NRXN3: variants seen among roughly 807,000 people sequenced by gnomAD.
NRXN3 encodes neurexin 3, also known as neurexin III.
Under a neutral mutation model 137.6 loss-of-function variants are expected in NRXN3, and 32 were observed. The observed-to-expected ratio is 0.23, with a 90% confidence interval of 0.18 to 0.31. The LOEUF is 0.31. Among genes scored for constraint, NRXN3 ranks in the 10% least tolerant of loss-of-function variants. The pLI, the probability that NRXN3 is intolerant of heterozygous loss-of-function variation, is 1.00. For synonymous variants in NRXN3, 798 were observed against 784.5 expected (o/e 1.02, Z -0.29); for missense variants, 1,574 against 2,062.5 (o/e 0.76, Z 4.59).
In NRXN3 at chr14:78,699,788, G is replaced by T. The variant is rs562222945; in HGVS notation, c.1222-9429G>T. 6.2e-4 allele frequency among the ~76,000 whole-genome samples: 94 copies of T among 152,262 alleles called. 1 individual carries two copies. Among genetic ancestry groups the T allele is most frequent in the African/African-American group, 2.2e-3 (91 of 41,540 alleles). ...CTCATCAAATATTCTAAAACAGAAG[G>T]AAATGTAGGCATTCTCTGGGTAGGT... On this transcript the variant is annotated intron_variant, in intron 6 of 20. Transcript: ENST00000335750.
At chr14:78,639,329 CTG>C (rs2097595436) in intron 4 of NRXN3, among the ~76,000 whole-genome samples, 1 of 152,220 alleles carries the variant, frequency 6.6e-6, no homozygotes, top group Admixed American at 6.5e-5. Context: ...AACAATTTCG[CTG>C]TGTCTCTGAG....
intron 15 of NRXN3, among the ~76,000 whole-genome samples, chr14:79,288,999 A>G (rs997528845): frequency 1.1e-4 from 17 of 152,184 alleles, no homozygotes; most frequent in African/African-American, 3.9e-4. Flanking sequence ...TTATAAAAGA[A>G]GCAAAGGCAC....
intron 10 of NRXN3, among the ~76,000 whole-genome samples, chr14:78,882,780 G>A (rs145701665): frequency 1.0e-3 from 155 of 151,758 alleles, no homozygotes; most frequent in Admixed American, 2.0e-3. Flanking sequence ...TTGAAAGGGC[G>A]TGATCATGTT....
At chr14:78,319,662 C>T (rs913465568) in intron 4 of NRXN3, among the ~76,000 whole-genome samples, 3 of 152,166 alleles carry the variant, frequency 2.0e-5, no homozygotes, top group African/African-American at 7.2e-5. Flanking sequence ...AATATACATT[C>T]TCAGTAACCT....
chr14:79,598,214 A>G (rs1054570673), intron 16 of NRXN3, among the ~76,000 whole-genome samples: 3 of 152,202 alleles, frequency 2.0e-5, no homozygotes, highest in Admixed American at 1.3e-4. Flanking sequence ...GCAGTATAGT[A>G]TCGTTGGTGC....
intron 15 of NRXN3, among the ~76,000 whole-genome samples, chr14:79,281,535 G>A (rs2081276059): frequency 1.3e-5 from 2 of 152,238 alleles, no homozygotes; most frequent in Middle Eastern, 3.4e-3. Context: ...AAGGAGAGTA[G>A]GACACACAGA....
intron 2 of NRXN3, among the ~76,000 whole-genome samples, chr14:78,258,341 A>G (rs1178276177): frequency 6.7e-6 from 1 of 148,446 alleles, no homozygotes; most frequent in Non-Finnish European, 1.5e-5. Flanking sequence ...GTAAAAATAG[A>G]TTTTGATTTG....
intron 8 of NRXN3, among the ~76,000 whole-genome samples, chr14:78,766,577 C>T (rs1388269320): frequency 6.6e-6 from 1 of 152,314 alleles, no homozygotes; most frequent in African/African-American, 2.4e-5. Flanking sequence ...GATGGATCAA[C>T]TTCTTGAACT....
At chr14:78,708,846 T>A (rs1209512440) in intron 6 of NRXN3, among the ~76,000 whole-genome samples, 1 of 152,188 alleles carries the variant, frequency 6.6e-6, no homozygotes, top group Non-Finnish European at 1.5e-5. Flanking sequence ...GATGGTCATT[T>A]AGGTTGTTTC....
intron 15 of NRXN3, among the ~76,000 whole-genome samples, chr14:79,426,281 T>G (rs1373899430): frequency 6.6e-6 from 1 of 152,124 alleles, no homozygotes; most frequent in Non-Finnish European, 1.5e-5. Context: ...TCCCTGGAGA[T>G]TCAGCTTTTT....
chr14:78,748,697 G>C (rs1435326750), intron 8 of NRXN3, among the ~76,000 whole-genome samples: 1 of 152,140 alleles, frequency 6.6e-6, no homozygotes, highest in East Asian at 1.9e-4. Context: ...GGCAGGACAT[G>C]CTGATGATTG....
intron 4 of NRXN3, among the ~76,000 whole-genome samples, chr14:78,543,069 G>A (rs544146817): frequency 6.6e-6 from 1 of 152,064 alleles, no homozygotes; most frequent in African/African-American, 2.4e-5. Context: ...GGCCACTGTA[G>A]CCTCATAGGT....
intron 16 of NRXN3, among the ~76,000 whole-genome samples, chr14:79,568,494 A>G (rs1292540325): frequency 6.6e-6 from 1 of 152,146 alleles, no homozygotes; most frequent in African/African-American, 2.4e-5. Flanking sequence ...TACCCATTCT[A>G]CAGAAAACCA....
chr14:79,257,565 GTGGTGGTGGTGGTGATGGTAA>G (rs2076935546), intron 15 of NRXN3, among the ~76,000 whole-genome samples: 1 of 88,578 alleles, frequency 1.1e-5, no homozygotes, highest in African/African-American at 4.5e-5. Context: ...GGTGATGGTG[GTGGTGGTGGTGGTGATGGTAA>G]TGATGGTGGT....
At chr14:79,809,814 T>C (rs1011927921) in intron 20 of NRXN3, among the ~76,000 whole-genome samples, 6 of 152,232 alleles carry the variant, frequency 3.9e-5, no homozygotes, top group Non-Finnish European at 5.9e-5. Flanking sequence ...CATATTTCAT[T>C]GTCCTTTTTC....
rs184836533 is a variant in NRXN3, at chr14:78,947,486, C to A, written c.2276-9756C>A. On this transcript the variant is annotated intron_variant, in intron 10 of 20. Transcript: ENST00000335750. ...TTCATCCAGAATATGGCAGATAGAA[C>A]CTGAAGGGTCTTTGGGTATCAAGAG... 1.5e-3 allele frequency among the ~76,000 whole-genome samples: 221 copies of A among 152,234 alleles called. 1 individual carries two copies. Among genetic ancestry groups the A allele is most frequent in the African/African-American group, 4.8e-3 (199 of 41,530 alleles).
chr14:78,964,552 G>A (rs2152990228), intron 11 of NRXN3, among the ~76,000 whole-genome samples: 1 of 152,318 alleles, frequency 6.6e-6, no homozygotes, highest in Non-Finnish European at 1.5e-5. Context: ...CTTCAGGAAA[G>A]TTGTTAAAGA....
intron 1 of NRXN3, among the ~76,000 whole-genome samples, chr14:78,180,427 G>T (rs538742174): frequency 3.3e-5 from 5 of 152,340 alleles, no homozygotes; most frequent in Admixed American, 6.5e-5. Context: ...CTGAGCTGCC[G>T]CTGCATTAAG....
chr14:78,646,838 A>G (rs1194687251), intron 5 of NRXN3, among the ~76,000 whole-genome samples: 2 of 152,228 alleles, frequency 1.3e-5, no homozygotes, highest in African/African-American at 4.8e-5. Context: ...ATACTTACCC[A>G]GGAGAGAACG....
Sources: gnomAD v4.1 joint callset for allele counts (sites outside exome capture counted in the v4.1 genomes callset) on GRCh38, gnomAD v4.1.1 for gene constraint, MANE v1.5 for transcripts, NCBI Gene and HGNC (gene_info 2026-07-23, HGNC 2026-07-21) for gene names.